The following GLCE variants were observed in gnomAD, a reference collection of about 807,000 sequenced individuals.
The protein encoded by GLCE is D-glucuronyl C5-epimerase.
Under a neutral mutation model 47.9 loss-of-function variants are expected in GLCE, and 19 were observed. The ratio of observed to expected loss-of-function variants is 0.40; its 90% CI spans 0.28 to 0.58. The LOEUF is 0.58. GLCE is among the 20% of genes least tolerant of loss of function. The probability of loss-of-function intolerance (pLI) is 0.48; values close to 1 mark genes in which losing one functional copy is unlikely to be tolerated. For synonymous variants in GLCE, 245 were observed against 263.4 expected (o/e 0.93, Z 0.68); for missense variants, 556 against 743.3 (o/e 0.75, Z 2.93).
chr15:69,252,188 C>T (rs542814444), intron 2 of GLCE, among the ~76,000 whole-genome samples: 1 of 152,214 alleles, frequency 6.6e-6, no homozygotes, highest in Non-Finnish European at 1.5e-5. Flanking sequence ...TGTGCTTCAA[C>T]ATATTGGTAG....
At chr15:69,197,154 A>G in intron 1 of GLCE, 5 of 394,526 alleles carry the variant, frequency 1.3e-5, no homozygotes, top group South Asian at 9.9e-5. Flanking sequence ...CGGCACAACA[A>G]TGCCTGACAA....
At chr15:69,166,808 T>G (rs1423170083) in intron 1 of GLCE, among the ~76,000 whole-genome samples, 1 of 146,072 alleles carries the variant, frequency 6.8e-6, no homozygotes, top group African/African-American at 2.6e-5. Context: ...TAATCCCAGC[T>G]ATTCGGGAGG....
chr15:69,197,460 G>A (rs986876750), intron 1 of GLCE: 1 of 173,086 alleles, frequency 5.8e-6, no homozygotes, highest in Non-Finnish European at 1.2e-5. Context: ...TTTGAGCCTA[G>A]TTATAATATA....
At position 69,163,808 on chromosome 15, in the gene GLCE, C is replaced by G. The variant is rs138157986; in HGVS notation, c.-105+3051C>G. ...AAATTAAAACATTTCAGTCACTATG[C>G]AAATGGTGAAATGTACAGTATTTAT... On this transcript the variant is annotated intron_variant, in intron 1 of 4. Transcript: ENST00000261858. 2.2e-3 allele frequency among the ~76,000 whole-genome samples: 341 copies of G among 152,176 alleles called. 3 individuals carry two copies. Among genetic ancestry groups the G allele is most frequent in the African/African-American group, 8.0e-3 (333 of 41,530 alleles).
intron 2 of GLCE, among the ~76,000 whole-genome samples, chr15:69,242,342 AT>A (rs1210345074): frequency 6.6e-6 from 1 of 151,732 alleles, no homozygotes; most frequent in African/African-American, 2.4e-5. Context: ...TTCAATGTGG[AT>A]TTTTTTCACT....
intron 4 of GLCE, among the ~76,000 whole-genome samples, chr15:69,263,542 C>T (rs532623706): frequency 1.3e-5 from 2 of 150,850 alleles, no homozygotes; most frequent in South Asian, 4.2e-4. Context: ...TTTTATTTGT[C>T]GAATAATGTT....
chr15:69,195,543 T>C (rs1169512640), intron 1 of GLCE, among the ~76,000 whole-genome samples: 1 of 152,106 alleles, frequency 6.6e-6, no homozygotes, highest in Non-Finnish European at 1.5e-5. Flanking sequence ...TTGTGACATA[T>C]TGTATGTGGA....
At position 69,269,493 on chromosome 15, in the gene GLCE, C is replaced by T; in HGVS notation, c.*249C>T. On this transcript the variant is annotated 3_prime_UTR_variant, in exon 5 of 5. Coordinates refer to ENST00000261858, the MANE Select transcript of GLCE (RefSeq NM_015554.3). ...GCTGAACAAAGATGCTTCACTTTGCCTTGCCCATCACCCTATACAGTTTCG... is the reference window on the plus strand; with the variant it reads ...GCTGAACAAAGATGCTTCACTTTGCTTTGCCCATCACCCTATACAGTTTCG... The T allele has an allele frequency of 1.9e-6, 1 of 514,626 alleles. No individual in the cohort carries two copies. Among genetic ancestry groups the T allele is most frequent in the Non-Finnish European group, 3.5e-6 (1 of 287,796 alleles). The allele number at this position is 514,626 out of a possible 1,614,324, so 31.9% of individuals were successfully genotyped here.
chr15:69,235,090 A>ATTTTTTT (rs2052577156), intron 2 of GLCE, among the ~76,000 whole-genome samples: 3 of 82,488 alleles, frequency 3.6e-5, no homozygotes, highest in Admixed American at 1.4e-4. Context: ...GATGAAGATT[A>ATTTTTTT]TTCTTTTTTT....
chr15:69,266,300 T>A (rs1316236158), intron 4 of GLCE, among the ~76,000 whole-genome samples: 2 of 152,148 alleles, frequency 1.3e-5, no homozygotes, highest in Admixed American at 6.5e-5. Flanking sequence ...CCTCCAAGTA[T>A]ACACTATCAT....
At chr15:69,250,718 A>G (rs1237336986) in intron 2 of GLCE, among the ~76,000 whole-genome samples, 1 of 149,376 alleles carries the variant, frequency 6.7e-6, no homozygotes, top group Non-Finnish European at 1.5e-5. Context: ...TCGGCATAGC[A>G]CCCTATAGCC....
Position 69,268,522 on chromosome 15 carries a change from A to G in GLCE, c.1132A>G (p.Lys378Glu), listed in dbSNP as rs773695109. 1 of 1,614,102 alleles carries G rather than the reference A, an allele frequency of 6.2e-7. No homozygotes were observed. Among genetic ancestry groups the G allele is most frequent in the Non-Finnish European group, 8.5e-7 (1 of 1,180,042 alleles). The change falls in exon 5 of 5, where the codon AAG becomes GAG. Residue 378 changes from lysine (K) to glutamate (E), a missense_variant. Physicochemically the swap from Lys to Glu is moderately conservative, Grantham distance 56 (BLOSUM62 1). This residue lies in a region of GLCE where 245 missense variants were observed against 368.1 expected (regional missense o/e 0.67). Coordinates refer to ENST00000261858, the MANE Select transcript of GLCE (RefSeq NM_015554.3). ...TGTCAAGCCAACCAAAATAATGCCC[A>G]AGAAGGTGGTTAGGTTGATTGCAAA... ...KAVKPTKIMP[K>E]KVVRLIAKGK...
intron 2 of GLCE, among the ~76,000 whole-genome samples, chr15:69,244,659 T>G (rs998994042): frequency 6.6e-6 from 1 of 152,228 alleles, no homozygotes; most frequent in Non-Finnish European, 1.5e-5. Context: ...ATACTAGATA[T>G]GTGAACCATC....
chr15:69,199,263 G>A (rs2052042791), intron 1 of GLCE, among the ~76,000 whole-genome samples: 1 of 152,104 alleles, frequency 6.6e-6, no homozygotes, highest in South Asian at 2.1e-4. Flanking sequence ...CAGAATACAT[G>A]CAGTATATTT....
intron 1 of GLCE, among the ~76,000 whole-genome samples, chr15:69,193,605 T>G (rs552599744): frequency 6.6e-6 from 1 of 152,212 alleles, no homozygotes; most frequent in Non-Finnish European, 1.5e-5. Flanking sequence ...TCCTATGCCT[T>G]TGATGAACAT....
At chr15:69,263,453 G>T (rs950271658) in intron 4 of GLCE, among the ~76,000 whole-genome samples, 43 of 151,582 alleles carry the variant, frequency 2.8e-4, no homozygotes, top group African/African-American at 9.7e-4. Context: ...CTTGGCCTTC[G>T]ATTTTTTTTT....
At chr15:69,237,615 A>T (rs1433210033) in intron 2 of GLCE, among the ~76,000 whole-genome samples, 3 of 152,096 alleles carry the variant, frequency 2.0e-5, no homozygotes, top group Non-Finnish European at 2.9e-5. Context: ...TTAAAAAAAA[A>T]AAATTGGGTA....
At chr15:69,206,697 AG>A (rs2052157117) in intron 1 of GLCE, among the ~76,000 whole-genome samples, 1 of 151,826 alleles carries the variant, frequency 6.6e-6, no homozygotes, top group South Asian at 2.1e-4. Context: ...AAGATACTCC[AG>A]GCTTATCATA....
At chr15:69,217,279 T>C (rs2140383894) in intron 2 of GLCE, among the ~76,000 whole-genome samples, 1 of 152,016 alleles carries the variant, frequency 6.6e-6, no homozygotes, top group Admixed American at 6.6e-5. Flanking sequence ...AGGCCATATT[T>C]GTAAATGAGA....
Sources: allele counts gnomAD v4.1 joint callset (sites outside exome capture counted in the v4.1 genomes callset), GRCh38; gene constraint gnomAD v4.1.1; regional missense constraint gnomAD v4.1.1; transcripts MANE v1.5; gene names NCBI Gene and HGNC (gene_info 2026-07-23, HGNC 2026-07-21).